Variants in CYP4A22 observed in about 807,000 individuals in gnomAD.
CYP4A22 encodes cytochrome P450 family 4 subfamily A member 22.
Under a neutral mutation model 56.2 loss-of-function variants are expected in CYP4A22, and 46 were observed. That is an observed-to-expected ratio of 0.82 (90% CI 0.65 to 1.05). The LOEUF (loss-of-function observed/expected upper bound fraction) is 1.05, where lower values mean the gene tolerates loss of function less well. Ranked by LOEUF, CYP4A22 falls within the 50% of genes least tolerant of loss-of-function variation. The pLI is 0.00. For missense variants in CYP4A22, 541 were observed against 645.9 expected (o/e 0.84, Z 1.76); for synonymous variants, 193 against 251.1 (o/e 0.77, Z 2.19).
At chr1:47,141,509 G>A (rs1645008615) in intron 2 of CYP4A22, 62 bp from the exon 3 acceptor site, 2 of 1,574,712 alleles carry the variant, frequency 1.3e-6, no homozygotes, top group Non-Finnish European at 1.7e-6. Context: ...AACTGATGCT[G>A]CCTCTGAGAC....
rs1569812830 is a variant in CYP4A22, at chr1:47,144,964, C to A, written c.1216C>A (p.Pro406Thr). Residue 406 changes from proline to threonine, a missense_variant, in exon 9 of 12, where the codon CCC (proline) becomes ACC (threonine). Transcript: ENST00000371891. ...PVTFPDGRSL[P>T]KGIMVLLSIY... is the part of the protein sequence containing the mutation. ...CACCTTCCCTGATGGGCGCTCCTTG[C>A]CCAAAGGTATGAAGTTTCCCCACCC... 6.2e-7 allele frequency: 1 copy of A among 1,614,116 alleles called. No individual in the cohort carries two copies. Among genetic ancestry groups the A allele is most frequent in the Non-Finnish European group, 8.5e-7 (1 of 1,179,988 alleles).
At chr1:47,147,582 G>T (rs935877130) in intron 11 of CYP4A22, among the ~76,000 whole-genome samples, 10 of 152,156 alleles carry the variant, frequency 6.6e-5, no homozygotes, top group Non-Finnish European at 1.3e-4. Context: ...GGTGCTGTCC[G>T]TGGCACTGGA....
chr1:47,140,954 C>T (rs774627124), intron 2 of CYP4A22, 33 bp downstream of exon 2: 2 of 1,611,614 alleles, frequency 1.2e-6, no homozygotes, highest in Non-Finnish European at 1.7e-6. Context: ...ACTGCAATTT[C>T]TCTTCCCTCT....
chr1:47,139,690 C>A (rs1288132900), intron 1 of CYP4A22, among the ~76,000 whole-genome samples: 1 of 152,170 alleles, frequency 6.6e-6, no homozygotes, highest in African/African-American at 2.4e-5. Flanking sequence ...CAGAGCTGGA[C>A]AATATGATTA....
rs192074184 is a variant in CYP4A22, at chr1:47,141,040, C to T, written c.337+119C>T. ...ACATCAATATCTGAAACCTCTCCCACGCATCCACCAAGCCCACCATGCCCA... is the reference window on the plus strand; with the variant it reads ...ACATCAATATCTGAAACCTCTCCCATGCATCCACCAAGCCCACCATGCCCA... On this transcript the variant is annotated intron_variant, in intron 2 of 11. Coordinates refer to ENST00000371891, the MANE Select transcript of CYP4A22 (RefSeq NM_001010969.4). The T allele has an allele frequency of 6.7e-5, 98 of 1,455,304 alleles. No homozygotes were observed. In the Admixed American group the frequency reaches 1.1e-3, roughly 16 times the overall value. The allele number at this position is 1,455,304 out of a possible 1,614,324, so 90.1% of individuals were successfully genotyped here.
chr1:47,148,854 G>C lies in CYP4A22; in HGVS notation c.*57G>C. On this transcript the variant is annotated 3_prime_UTR_variant, in exon 12 of 12. Coordinates refer to ENST00000371891, the MANE Select transcript of CYP4A22 (RefSeq NM_001010969.4). ...CCCCACTCCTATCTCCTGCCTGTCT[G>C]CCTCTGTCCTGCTTTCTGTCTGCCC... is the stretch of plus-strand genomic sequence containing the variant. 7.2e-6 allele frequency: 11 copies of C among 1,536,016 alleles called. No individual in the cohort carries two copies. The highest frequency in any genetic ancestry group is 9.6e-6 in the Non-Finnish European group (11 of 1,140,732).
intron 5 of CYP4A22, 64 bp from the exon 6 acceptor site, chr1:47,143,698 C>T: frequency 6.5e-7 from 1 of 1,531,462 alleles, no homozygotes; most frequent in Non-Finnish European, 8.8e-7. Flanking sequence ...CCTCTCAGAC[C>T]CCATTCTACT....
chr1:47,137,642 T>C lies in CYP4A22; in HGVS notation c.157T>C (p.Cys53Arg). ...WLLKALQQFP[C>R]PPSHWLFGHI... is the part of the protein sequence containing the mutation. Reference sequence around the variant, plus strand: ...GCTCAAAGCCCTCCAGCAGTTCCCGTGCCCTCCCTCCCACTGGCTCTTCGG... The same window carrying C: ...GCTCAAAGCCCTCCAGCAGTTCCCGCGCCCTCCCTCCCACTGGCTCTTCGG... Residue 53 changes from cysteine (C) to arginine (R), a missense_variant, in exon 1 of 12, where the codon TGC becomes CGC. Cys to Arg is a radical substitution (Grantham distance 180). This residue lies in a region of CYP4A22 where 335 missense variants were observed against 361.2 expected (regional missense o/e 0.93). Coordinates refer to ENST00000371891, the MANE Select transcript of CYP4A22 (RefSeq NM_001010969.4). The C allele has an allele frequency of 6.2e-7, 1 of 1,613,768 alleles. No individual in the cohort carries two copies. The highest frequency in any genetic ancestry group is 8.5e-7 in the Non-Finnish European group (1 of 1,179,772).
rs1309271312 is a variant in CYP4A22, at chr1:47,137,532, C to T, written c.47C>T (p.Ser16Phe). Residue 16 changes from serine (S) to phenylalanine (F), a missense_variant, in exon 1 of 12, where the codon TCC (serine) becomes TTC (phenylalanine). Physicochemically the swap from Ser to Phe is radical, Grantham distance 155. This residue lies in a region of CYP4A22 where 335 missense variants were observed against 361.2 expected (regional missense o/e 0.93). Coordinates refer to ENST00000371891, the MANE Select transcript of CYP4A22 (RefSeq NM_001010969.4). Reference sequence around the variant, plus strand: ...CCCAGCAGACGCCTGGGTGGTGTCTCCGGGATCCTCCAAGTGACCTCCCTG... The same window carrying T: ...CCCAGCAGACGCCTGGGTGGTGTCTTCGGGATCCTCCAAGTGACCTCCCTG... ...LSPSRRLGGV[S>F]GILQVTSLLI... 7 of 1,613,892 alleles carry T rather than the reference C, an allele frequency of 4.3e-6. No homozygotes were observed. Among genetic ancestry groups the T allele is most frequent in the Non-Finnish European group, 5.9e-6 (7 of 1,180,014 alleles).
At chr1:47,139,955 G>C (rs973743795) in intron 1 of CYP4A22, among the ~76,000 whole-genome samples, 1 of 152,234 alleles carries the variant, frequency 6.6e-6, no homozygotes, top group African/African-American at 2.4e-5. Context: ...AGCAGGTGTA[G>C]CTGGTGTGTG....
Position 47,137,665 on chromosome 1 carries a change from C to T in CYP4A22, c.180C>T (p.Phe60=), listed in dbSNP as rs754219380. 70 of 1,611,912 alleles carry T rather than the reference C, an allele frequency of 4.3e-5. 1 individual carries two copies. The South Asian group carries it at 5.2e-4, about 12-fold the overall frequency. Residue 60 remains phenylalanine (F), a synonymous_variant, in exon 1 of 12, where the codon TTC becomes TTT. Coordinates refer to ENST00000371891, the MANE Select transcript of CYP4A22 (RefSeq NM_001010969.4). ...QFPCPPSHWL[F]GHIQEFQHDQ... The stretch of plus-strand genomic sequence containing the variant: ...CGTGCCCTCCCTCCCACTGGCTCTT[C>T]GGGCACATCCAGGAGGTAGGGAGGA...
chr1:47,142,307 C>T (rs1645020915), intron 4 of CYP4A22, 72 bp downstream of exon 4: 5 of 1,515,192 alleles, frequency 3.3e-6, no homozygotes, highest in Non-Finnish European at 4.4e-6. Context: ...ACTCTCAACC[C>T]TGTGTCCCAC....
intron 1 of CYP4A22, among the ~76,000 whole-genome samples, chr1:47,138,699 T>G (rs1425014426): frequency 6.6e-6 from 1 of 152,270 alleles, no homozygotes; most frequent in African/African-American, 2.4e-5. Context: ...TAATTATTTT[T>G]CTTCCAATGT....
chr1:47,142,384 C>T (rs1377614274), intron 4 of CYP4A22, 149 bp downstream of exon 4: 13 of 1,277,190 alleles, frequency 1.0e-5, no homozygotes, highest in Middle Eastern at 2.9e-4. Context: ...TAGAGGGTTC[C>T]CCAGAGTTGT....
chr1:47,142,035 A>G (rs1557646473), intron 3 of CYP4A22, 73 bp from the exon 4 acceptor site: 2 of 1,530,126 alleles, frequency 1.3e-6, no homozygotes, highest in East Asian at 2.3e-5. Flanking sequence ...CTCCCTCCCA[A>G]ATTGTCACCA....
intron 9 of CYP4A22, 120 bp from the exon 10 acceptor site, chr1:47,145,746 T>C (rs1453104079): frequency 3.5e-6 from 5 of 1,425,956 alleles, no homozygotes; most frequent in East Asian, 4.6e-5. Context: ...ATCATCCTAG[T>C]CAAAGTGACA....
Position 47,148,638 on chromosome 1 carries a change from G to T in CYP4A22, c.1401G>T (p.Leu467=), listed in dbSNP as rs1645099901. The part of the protein sequence containing the change: ...CIGKQFAMNQ[L]KVARALTLLR... ...GGAAACAATTTGCCATGAACCAGCT[G>T]AAGGTGGCCAGGGCCCTGACCCTGC... The change falls in exon 12 of 12, where the codon CTG becomes CTT. Residue 467 remains leucine (L), a synonymous_variant. Coordinates refer to ENST00000371891, the MANE Select transcript of CYP4A22 (RefSeq NM_001010969.4). 1 of 1,613,160 alleles carries T rather than the reference G, an allele frequency of 6.2e-7. No individual in the cohort carries two copies.
chr1:47,148,358 C>T (rs1645097284), intron 11 of CYP4A22, among the ~76,000 whole-genome samples: 1 of 152,194 alleles, frequency 6.6e-6, no homozygotes, highest in Non-Finnish European at 1.5e-5. Context: ...TTTCAGGCTG[C>T]TGAGAGCAGA....
chr1:47,137,521 G>C lies in CYP4A22; in HGVS notation c.36G>C (p.Leu12=). ...SVSVLSPSRR[L]GGVSGILQVT... ...CTGTCCTGAGCCCCAGCAGACGCCT[G>C]GGTGGTGTCTCCGGGATCCTCCAAG... is the stretch of plus-strand genomic sequence containing the variant. The change falls in exon 1 of 12, where the codon CTG becomes CTC. Residue 12 remains leucine (L), a synonymous_variant. Coordinates refer to ENST00000371891, the MANE Select transcript of CYP4A22 (RefSeq NM_001010969.4). 4.3e-6 allele frequency: 7 copies of C among 1,614,080 alleles called. No individual in the cohort carries two copies. Among genetic ancestry groups the C allele is most frequent in the Non-Finnish European group, 5.1e-6 (6 of 1,179,940 alleles).
Sources: gnomAD v4.1 joint callset for allele counts (sites outside exome capture counted in the v4.1 genomes callset) on GRCh38, gnomAD v4.1.1 for gene constraint, gnomAD v4.1.1 regional missense constraint, MANE v1.5 for transcripts, NCBI Gene and HGNC (gene_info 2026-07-23, HGNC 2026-07-21) for gene names.